Variants in FHOD3 observed in about 807,000 individuals in gnomAD.
FHOD3 encodes formin homology 2 domain containing 3.
Under a neutral mutation model 173.0 loss-of-function variants are expected in FHOD3, and 90 were observed. The ratio of observed to expected loss-of-function variants is 0.52; its 90% CI spans 0.44 to 0.62. The LOEUF is 0.62. Ranked by LOEUF, FHOD3 falls within the 20% of genes least tolerant of loss-of-function variation. The pLI, the probability that FHOD3 is intolerant of heterozygous loss-of-function variation, is 0.00. For missense variants in FHOD3, 1,945 were observed against 2,034.7 expected (o/e 0.96, Z 0.85); for synonymous variants, 828 against 823.0 (o/e 1.01, Z -0.10).
At chr18:36,645,097 C>T (rs1320812366) in intron 10 of FHOD3, among the ~76,000 whole-genome samples, 1 of 152,086 alleles carries the variant, frequency 6.6e-6, no homozygotes, top group Non-Finnish European at 1.5e-5. Flanking sequence ...GAAAAGAAGA[C>T]TGAGGCTGGT....
intron 2 of FHOD3, among the ~76,000 whole-genome samples, chr18:36,356,492 T>TTTTA (rs1345531713): frequency 6.6e-6 from 1 of 152,140 alleles, no homozygotes; most frequent in Non-Finnish European, 1.5e-5. Context: ...TCCTTCTGAT[T>TTTTA]TTTATTTATT....
chr18:36,631,958 T>G (rs1019763578), intron 10 of FHOD3, among the ~76,000 whole-genome samples: 1 of 152,214 alleles, frequency 6.6e-6, no homozygotes, highest in Non-Finnish European at 1.5e-5. Flanking sequence ...TATATAGATA[T>G]ACCATAATAC....
At chr18:36,596,323 T>TAA (rs1319768751) in intron 7 of FHOD3, among the ~76,000 whole-genome samples, 1 of 37,292 alleles carries the variant, frequency 2.7e-5, no homozygotes, top group African/African-American at 7.5e-5. Flanking sequence ...CCCAGCTAAT[T>TAA]TTTTTTTTTT....
intron 1 of FHOD3, among the ~76,000 whole-genome samples, chr18:36,331,419 G>T (rs1207395196): frequency 1.3e-5 from 2 of 152,208 alleles, no homozygotes; most frequent in African/African-American, 4.8e-5. Flanking sequence ...GCTGGCCTGA[G>T]CTCCCCACTG....
intron 5 of FHOD3, among the ~76,000 whole-genome samples, chr18:36,538,263 A>G (rs2057073414): frequency 6.6e-6 from 1 of 152,220 alleles, no homozygotes; most frequent in Non-Finnish European, 1.5e-5. Flanking sequence ...CTCCCACCAC[A>G]AGAAACTTGA....
At chr18:36,566,913 TCC>T (rs2058285721) in intron 5 of FHOD3, among the ~76,000 whole-genome samples, 1 of 152,200 alleles carries the variant, frequency 6.6e-6, no homozygotes, top group Admixed American at 6.5e-5. Context: ...GAACAATATT[TCC>T]CTTAATAAGT....
At chr18:36,336,993 CG>C (rs1310602118) in intron 1 of FHOD3, among the ~76,000 whole-genome samples, 2 of 151,300 alleles carry the variant, frequency 1.3e-5, no homozygotes, top group Non-Finnish European at 2.9e-5. Context: ...GCCAACATGG[CG>C]AAACCTCATC....
At chr18:36,609,254 A>G (rs1486397697) in intron 8 of FHOD3, among the ~76,000 whole-genome samples, 4 of 152,170 alleles carry the variant, frequency 2.6e-5, no homozygotes, top group African/African-American at 9.7e-5. Flanking sequence ...CATTTTTGTC[A>G]GAGGTGGACA....
At chr18:36,774,091 C>T (rs1353427065) in intron 28 of FHOD3, among the ~76,000 whole-genome samples, 3 of 152,346 alleles carry the variant, frequency 2.0e-5, no homozygotes, top group Admixed American at 6.5e-5. Context: ...ATTGGCAGAA[C>T]TTATTTTTCC....
intron 3 of FHOD3, among the ~76,000 whole-genome samples, chr18:36,438,800 A>G (rs1371399263): frequency 6.6e-6 from 1 of 152,130 alleles, no homozygotes; most frequent in African/African-American, 2.4e-5. Flanking sequence ...TCACTCCTCT[A>G]GCTCATCTTC....
At chr18:36,341,272 G>A (rs1167407377) in intron 1 of FHOD3, among the ~76,000 whole-genome samples, 1 of 152,198 alleles carries the variant, frequency 6.6e-6, no homozygotes, top group Non-Finnish European at 1.5e-5. Context: ...AAAGTTAGAT[G>A]TTTGGGCTTC....
chr18:36,655,604 T>C (rs189132573), intron 13 of FHOD3, among the ~76,000 whole-genome samples: 5 of 152,322 alleles, frequency 3.3e-5, no homozygotes, highest in African/African-American at 1.2e-4. Context: ...CAAGTATTGT[T>C]CCTATTGATT....
intron 3 of FHOD3, among the ~76,000 whole-genome samples, chr18:36,491,308 A>G (rs2054458242): frequency 6.6e-6 from 1 of 152,156 alleles, no homozygotes; most frequent in Admixed American, 6.5e-5. Flanking sequence ...TTGGGCAAAA[A>G]TTTGTTCCCA....
chr18:36,652,161 T>A (rs1165286702), intron 11 of FHOD3, among the ~76,000 whole-genome samples: 1 of 152,250 alleles, frequency 6.6e-6, no homozygotes, highest in East Asian at 1.9e-4. Context: ...AGGACAGATC[T>A]GCTATTTGAC....
intron 3 of FHOD3, among the ~76,000 whole-genome samples, chr18:36,373,300 G>GA (rs1171562755): frequency 1.5e-4 from 23 of 151,806 alleles, no homozygotes; most frequent in Admixed American, 5.2e-4. Context: ...TCATAAGAAG[G>GA]AAAAAAAAGG....
At chr18:36,300,311 T>C (rs2091926037) in intron 1 of FHOD3, among the ~76,000 whole-genome samples, 1 of 152,192 alleles carries the variant, frequency 6.6e-6, no homozygotes, top group African/African-American at 2.4e-5. Flanking sequence ...CCTCCCGGGC[T>C]TCTCTTCCAT....
chr18:36,779,169 TTC>T (rs1478029370), intron 28 of FHOD3: 1 of 468,362 alleles, frequency 2.1e-6, no homozygotes, highest in African/African-American at 1.9e-5. Context: ...CTCTCCTCCT[TTC>T]TCTCCTCTTT....
chr18:36,395,165 T>C (rs9961730), intron 3 of FHOD3, among the ~76,000 whole-genome samples: 160 of 151,264 alleles, frequency 1.1e-3, no homozygotes, highest in African/African-American at 3.8e-3. Flanking sequence ...TTTTTTTTTC[T>C]TTTTTTGTGT....
At chr18:36,561,854 A>G (rs928048223) in intron 5 of FHOD3, among the ~76,000 whole-genome samples, 4 of 152,316 alleles carry the variant, frequency 2.6e-5, no homozygotes, top group African/African-American at 9.6e-5. Flanking sequence ...TGTAGGCCAT[A>G]AAATACACAA....
Sources: allele counts gnomAD v4.1 joint callset (sites outside exome capture counted in the v4.1 genomes callset), GRCh38; gene constraint gnomAD v4.1.1; transcripts MANE v1.5; gene names NCBI Gene and HGNC (gene_info 2026-07-23, HGNC 2026-07-21).